Variants in KDM2B observed in about 807,000 individuals in gnomAD.
KDM2B encodes lysine demethylase 2B.
KDM2B carries 26 observed loss-of-function variants against 150.0 expected under a neutral mutation model. The ratio of observed to expected loss-of-function variants is 0.17; its 90% CI spans 0.13 to 0.24. The LOEUF is 0.24. Among genes scored for constraint, KDM2B ranks in the 10% least tolerant of loss-of-function variants. KDM2B has a pLI of 1.00. For missense variants in KDM2B, 1,265 were observed against 1,816.9 expected (o/e 0.70, Z 5.52); for synonymous variants, 734 against 729.5 (o/e 1.01, Z -0.10).
chr12:121,578,920 G>C lies in KDM2B; in HGVS notation c.153C>G (p.Asp51Glu). 6.2e-7 allele frequency: 1 copy of C among 1,612,668 alleles called. No homozygotes were observed. The highest frequency in any genetic ancestry group is 1.1e-5 in the South Asian group (1 of 90,914). The change falls in exon 2 of 23, where the codon GAC becomes GAG. Residue 51 changes from aspartate (D) to glutamate (E), a missense_variant. Physicochemically the swap from Asp to Glu is conservative, Grantham distance 45. This residue lies in a region of KDM2B where 214 missense variants were observed against 447.4 expected (regional missense o/e 0.48). Transcript: ENST00000377071. ...CCACGTCCGACAAGTCCTCGTTCTCGTCGTATCGCTGGCGGTCAATCGGGC... is the reference window on the plus strand; with the variant it reads ...CCACGTCCGACAAGTCCTCGTTCTCCTCGTATCGCTGGCGGTCAATCGGGC... The part of the protein sequence containing the change: ...TQRPIDRQRY[D>E]ENEDLSDVEE...
chr12:121,443,129 G>C, intron 17 of KDM2B, 99 bp from the exon 18 acceptor site: 1 of 1,159,464 alleles, frequency 8.6e-7, no homozygotes, highest in Non-Finnish European at 1.2e-6. Context: ...GTCTCCAGAG[G>C]AGGGGCTGGA....
At chr12:121,491,329 T>C (rs144590713) in intron 12 of KDM2B, among the ~76,000 whole-genome samples, 4 of 152,094 alleles carry the variant, frequency 2.6e-5, no homozygotes, top group South Asian at 2.1e-4. Flanking sequence ...TAAAGTCAAA[T>C]AGACAAACTG....
intron 13 of KDM2B, among the ~76,000 whole-genome samples, chr12:121,448,816 G>A (rs1876735664): frequency 6.6e-6 from 1 of 152,220 alleles, no homozygotes; most frequent in Admixed American, 6.5e-5. Context: ...CGAGGGAGAT[G>A]GCTGCTCCCC....
At chr12:121,437,472 T>C (rs1330421979) in intron 22 of KDM2B, among the ~76,000 whole-genome samples, 2 of 151,306 alleles carry the variant, frequency 1.3e-5, no homozygotes, top group Non-Finnish European at 2.9e-5. Context: ...TCATGTTATA[T>C]AATAGCAAGC....
chr12:121,439,587 G>A (rs577093173), intron 22 of KDM2B, among the ~76,000 whole-genome samples: 1 of 152,046 alleles, frequency 6.6e-6, no homozygotes, highest in South Asian at 2.1e-4. Flanking sequence ...TCACCATGTT[G>A]GCCAGGCTAG....
chr12:121,540,465 A>G (rs1888519298), intron 6 of KDM2B, among the ~76,000 whole-genome samples: 1 of 152,046 alleles, frequency 6.6e-6, no homozygotes, highest in African/African-American at 2.4e-5. Context: ...GTAGAGGATG[A>G]GGGCCAGGTG....
rs1291855573 is a variant in KDM2B at position 121,518,045 on chromosome 12, A to G, written c.1047+2940T>C. Among the ~76,000 whole-genome samples, 1 of 150,360 alleles carries G rather than the reference A, an allele frequency of 6.7e-6. No homozygotes were observed. The highest frequency in any genetic ancestry group is 6.6e-5 in the Admixed American group (1 of 15,052). ...GTAGCTGGGATTACAGGCACACACCACCATGCTCGGCTAATTTTTGTATTT... is the reference window on the plus strand; with the variant it reads ...GTAGCTGGGATTACAGGCACACACCGCCATGCTCGGCTAATTTTTGTATTT... On this transcript the variant is annotated intron_variant, in intron 9 of 22. Transcript: ENST00000377071. The surrounding 1 kb of genome is among the most constrained non-coding windows in gnomAD (Gnocchi z 4.4).
In KDM2B at chr12:121,558,339, A is replaced by G. The variant is rs574601277; in HGVS notation, c.398-8701T>C. On this transcript the variant is annotated intron_variant, in intron 4 of 22. Coordinates refer to ENST00000377071, the MANE Select transcript of KDM2B (RefSeq NM_032590.5). ...GTGGGCACGTGTAACAAAAAAGATG[A>G]AGCCATGAAGCCCCACCTGGAATCA... Among the ~76,000 whole-genome samples, 330 of 152,202 alleles carry G rather than the reference A, an allele frequency of 2.2e-3. 2 individuals are homozygous for G. Among genetic ancestry groups the G allele is most frequent in the African/African-American group, 7.7e-3 (321 of 41,520 alleles).
chr12:121,466,276 G>C (rs1014440101), intron 12 of KDM2B, among the ~76,000 whole-genome samples: 8 of 152,060 alleles, frequency 5.3e-5, no homozygotes, highest in Non-Finnish European at 1.2e-4. Context: ...TTAATTCCTC[G>C]GACAGGTCTA....
chr12:121,556,677 CCT>C (rs1487910168), intron 4 of KDM2B, among the ~76,000 whole-genome samples: 4 of 151,988 alleles, frequency 2.6e-5, no homozygotes, highest in African/African-American at 4.8e-5. Context: ...ATGGTGAAAC[CCT>C]GTCTCTACTA....
chr12:121,431,436 A>G (rs749559805), intron 22 of KDM2B, among the ~76,000 whole-genome samples: 1 of 151,010 alleles, frequency 6.6e-6, no homozygotes, highest in Non-Finnish European at 1.5e-5. Context: ...GGCTTGCGCT[A>G]CTGTGCCTGG....
chr12:121,533,027 C>T lies in KDM2B; in HGVS notation c.778-68G>A, dbSNP rs1227522644. 6.4e-7 allele frequency: 1 copy of T among 1,553,944 alleles called. No homozygotes were observed. The highest frequency in any genetic ancestry group is 2.2e-5 in the East Asian group (1 of 44,492). On this transcript the variant is annotated intron_variant, in intron 7 of 22. Transcript: ENST00000377071. The surrounding 1 kb of genome is among the most constrained non-coding windows in gnomAD (Gnocchi z 4.1). Reference sequence around the variant, plus strand: ...GACAAGACCCAGAGAGAGGGCCCCACCTGCCTGGCGGAAGGGGAGGGGGCG... The same window carrying T: ...GACAAGACCCAGAGAGAGGGCCCCATCTGCCTGGCGGAAGGGGAGGGGGCG...
At chr12:121,581,567 A>C (rs552638851), upstream of KDM2B, among the ~76,000 whole-genome samples, 11 of 152,210 alleles carry the variant, frequency 7.2e-5, no homozygotes, top group Non-Finnish European at 1.3e-4. Flanking sequence ...GCGCCCTGCT[A>C]GGCCTGATCT....
At chr12:121,485,095 A>C (rs1182153877) in intron 12 of KDM2B, among the ~76,000 whole-genome samples, 4 of 152,126 alleles carry the variant, frequency 2.6e-5, no homozygotes, top group Admixed American at 1.3e-4. Context: ...ACAGCCCCAG[A>C]TGGAACCTGC....
chr12:121,499,485 CA>C (rs1179989848), intron 11 of KDM2B, among the ~76,000 whole-genome samples: 3 of 151,384 alleles, frequency 2.0e-5, no homozygotes, highest in Non-Finnish European at 1.5e-5. Context: ...CCCATCTCTA[CA>C]AAAAAAATTT....
chr12:121,509,848 C>A lies in KDM2B; in HGVS notation c.1366G>T (p.Ala456Ser). ...PTSTPSEDQEALGKKPKAPAL... is the reference protein window; with the variant it reads ...PTSTPSEDQESLGKKPKAPAL... ...GGTGCTTTGGGCTTCTTCCCGAGGG[C>A]CTCCTGGTCCTCAGAGGGCGTGCTG... is the stretch of plus-strand genomic sequence containing the variant. Residue 456 changes from alanine (A) to serine (S), a missense_variant, in exon 11 of 23, where the codon GCC (alanine) becomes TCC (serine). Around this residue, in one of 11 missense-constraint regions of KDM2B, gnomAD observed 154 missense variants for 162.5 expected, o/e 0.95. Coordinates refer to ENST00000377071, the MANE Select transcript of KDM2B (RefSeq NM_032590.5). The A allele has an allele frequency of 6.2e-7, 1 of 1,614,034 alleles. No homozygotes were observed. The highest frequency in any genetic ancestry group is 1.1e-5 in the South Asian group (1 of 91,084).
chr12:121,458,589 G>A (rs1460804486), intron 12 of KDM2B, among the ~76,000 whole-genome samples: 1 of 151,144 alleles, frequency 6.6e-6, no homozygotes, highest in African/African-American at 2.4e-5. Flanking sequence ...ATCCCTTGAG[G>A]TCACAAGTTC....
intron 8 of KDM2B, among the ~76,000 whole-genome samples, chr12:121,528,753 C>T (rs572458474): frequency 1.2e-4 from 18 of 152,020 alleles, no homozygotes; most frequent in Admixed American, 7.9e-4. Context: ...ATTAGCCAGG[C>T]GTGGCGGCAC....
rs528544054 is a variant in KDM2B at position 121,462,628 on chromosome 12, G to A, written c.1735-9284C>T. ...CTTACCTCAGCCTCCCTAGTAGCTG[G>A]GATTACAGGCATCTGCCCCATGCCC... On this transcript the variant is annotated intron_variant, in intron 12 of 22. Transcript: ENST00000377071. Among the ~76,000 whole-genome samples the A allele has an allele frequency of 2.6e-5, 4 of 152,076 alleles. No homozygotes were observed. In the East Asian group the frequency reaches 7.7e-4, roughly 29 times the overall value.
Sources: gnomAD v4.1 joint callset for allele counts (sites outside exome capture counted in the v4.1 genomes callset) on GRCh38, gnomAD v4.1.1 for gene constraint, gnomAD v4.1.1 regional missense constraint, Gnocchi (gnomAD v3.1) non-coding constraint, MANE v1.5 for transcripts, NCBI Gene and HGNC (gene_info 2026-07-23, HGNC 2026-07-21) for gene names.